The following TBC1D1 variants were observed in gnomAD, a reference collection of about 807,000 sequenced individuals.
TBC1D1 encodes the protein TBC1 domain family member 1, also known as TBC1 (tre-2/USP6, BUB2, cdc16) domain family, member 1.
A neutral mutation model predicts 125.6 loss-of-function variants in TBC1D1; 89 were observed. The observed-to-expected ratio is 0.71, with a 90% CI of 0.60 to 0.85. The LOEUF is 0.85. Ranked by LOEUF, TBC1D1 falls within the 40% of genes least tolerant of loss-of-function variation. The pLI is 0.00. For missense variants in TBC1D1, 1,377 were observed against 1,469.2 expected (o/e 0.94, Z 1.03); for synonymous variants, 565 against 564.1 (o/e 1.00, Z -0.02).
chr4:37,996,796 T>G (rs1188197655), intron 2 of TBC1D1, among the ~76,000 whole-genome samples: 1 of 152,244 alleles, frequency 6.6e-6, no homozygotes, highest in Non-Finnish European at 1.5e-5. Flanking sequence ...GTGACAGGGC[T>G]GTGGCTGGGC....
At chr4:38,096,618 C>A (rs1318214734) in intron 14 of TBC1D1, among the ~76,000 whole-genome samples, 1 of 152,206 alleles carries the variant, frequency 6.6e-6, no homozygotes, top group Non-Finnish European at 1.5e-5. Flanking sequence ...GTCTGCTATA[C>A]TGTAAGGCCT....
chr4:38,106,814 A>C (rs1363919180), intron 15 of TBC1D1, among the ~76,000 whole-genome samples: 1 of 152,000 alleles, frequency 6.6e-6, no homozygotes, highest in Non-Finnish European at 1.5e-5. Flanking sequence ...GTGGCTGTGC[A>C]CTCCGAAGGC....
intron 2 of TBC1D1, among the ~76,000 whole-genome samples, chr4:37,983,196 C>T (rs1560568689): frequency 6.7e-6 from 1 of 149,598 alleles, no homozygotes; most frequent in Non-Finnish European, 1.5e-5. Flanking sequence ...GATCTCGGCT[C>T]CCTCCACCTC....
At chr4:38,021,834 A>G in intron 6 of TBC1D1, 116 bp downstream of exon 6, 2 of 1,179,394 alleles carry the variant, frequency 1.7e-6, no homozygotes, top group Non-Finnish European at 2.2e-6. Context: ...TATTAGTCAC[A>G]GGGATTGTAG....
chr4:38,025,774 C>T (rs549948158), intron 6 of TBC1D1, among the ~76,000 whole-genome samples: 48 of 152,296 alleles, frequency 3.2e-4, no homozygotes, highest in Admixed American at 1.2e-3. Flanking sequence ...TGTTTCGCTT[C>T]GGCATTTAAG....
intron 2 of TBC1D1, among the ~76,000 whole-genome samples, chr4:37,985,684 C>T (rs1336248955): frequency 6.6e-6 from 1 of 152,104 alleles, no homozygotes; most frequent in Non-Finnish European, 1.5e-5. Flanking sequence ...AAAACATGGT[C>T]GAATGGGCAG....
At chr4:37,951,492 G>C (rs1277605383) in intron 2 of TBC1D1, among the ~76,000 whole-genome samples, 1 of 152,088 alleles carries the variant, frequency 6.6e-6, no homozygotes, top group Non-Finnish European at 1.5e-5. Context: ...GGAAGGAGGG[G>C]AATTATCTCC....
At chr4:38,100,982 C>T (rs1760214198) in intron 14 of TBC1D1, among the ~76,000 whole-genome samples, 1 of 152,186 alleles carries the variant, frequency 6.6e-6, no homozygotes, top group South Asian at 2.1e-4. Context: ...CTGTCACTCA[C>T]CGGCCTAATG....
intron 12 of TBC1D1, among the ~76,000 whole-genome samples, chr4:38,074,724 A>G (rs1755272211): frequency 1.3e-5 from 2 of 150,436 alleles, no homozygotes; most frequent in Admixed American, 6.6e-5. Flanking sequence ...GATTTGCCAT[A>G]TTCAGTTATG....
chr4:37,951,337 T>C (rs571037552), intron 2 of TBC1D1, among the ~76,000 whole-genome samples: 3 of 152,270 alleles, frequency 2.0e-5, no homozygotes, highest in South Asian at 2.1e-4. Flanking sequence ...CTGGTTGAAA[T>C]TGGGTGATGG....
At position 37,931,097 on chromosome 4, in the gene TBC1D1, T is replaced by TTTTGTTTGTTTG. The variant is rs58653315; in HGVS notation, c.417+28598_417+28609dup. Among the ~76,000 whole-genome samples, 120 of 150,598 alleles carry TTTTGTTTGTTTG rather than the reference T, an allele frequency of 8.0e-4. 1 individual carries two copies. Among genetic ancestry groups the TTTTGTTTGTTTG allele is most frequent in the African/African-American group, 2.8e-3 (114 of 41,066 alleles). ...GTTTTGGGTTTTTTGGTTTTTGTTG[T>TTTTGTTTGTTTG]TTTGTTTGTTTGTTTGTTTGTTTGA... On this transcript the variant is annotated intron_variant, in intron 2 of 19. Coordinates refer to ENST00000261439, the MANE Select transcript of TBC1D1 (RefSeq NM_015173.4).
At chr4:37,919,424 G>GATCT (rs1720450617) in intron 2 of TBC1D1, among the ~76,000 whole-genome samples, 1 of 150,672 alleles carries the variant, frequency 6.6e-6, no homozygotes, top group African/African-American at 2.4e-5. Context: ...GACCTCAAGT[G>GATCT]ATCTGCCTGC....
intron 10 of TBC1D1, among the ~76,000 whole-genome samples, chr4:38,049,188 G>T (rs1015585090): frequency 2.0e-5 from 3 of 152,294 alleles, no homozygotes; most frequent in African/African-American, 7.2e-5. Context: ...ATCAGATTCG[G>T]AGAGAGCCTT....
At chr4:38,114,110 C>A (rs1186646247) in intron 15 of TBC1D1, among the ~76,000 whole-genome samples, 13 of 152,146 alleles carry the variant, frequency 8.5e-5, no homozygotes, top group Non-Finnish European at 1.3e-4. Flanking sequence ...GCCCCTGCTT[C>A]TGGTGCCCAG....
chr4:38,102,214 G>A (rs937399390), intron 14 of TBC1D1, among the ~76,000 whole-genome samples: 12 of 151,416 alleles, frequency 7.9e-5, no homozygotes, highest in East Asian at 1.9e-4. Context: ...TGCACGTTGT[G>A]CACATGTACC....
chr4:37,982,671 T>G (rs556435777), intron 2 of TBC1D1, among the ~76,000 whole-genome samples: 118 of 152,298 alleles, frequency 7.7e-4, no homozygotes, highest in African/African-American at 2.8e-3. Context: ...AAATCCCACC[T>G]AATCCACAAA....
intron 2 of TBC1D1, among the ~76,000 whole-genome samples, chr4:37,965,735 T>A (rs1044143660): frequency 6.6e-6 from 1 of 151,914 alleles, no homozygotes; most frequent in East Asian, 1.9e-4. Context: ...CATGGACATT[T>A]ATTTATTTAT....
At chr4:38,040,806 G>C (rs951854333) in intron 8 of TBC1D1, among the ~76,000 whole-genome samples, 1 of 152,212 alleles carries the variant, frequency 6.6e-6, no homozygotes, top group Non-Finnish European at 1.5e-5. Flanking sequence ...AGAACCGGTT[G>C]CAACAGATTC....
chr4:38,020,645 G>A lies in TBC1D1; in HGVS notation c.1027G>A (p.Gly343Ser), dbSNP rs1391313577. 1 of 1,613,366 alleles carries A rather than the reference G, an allele frequency of 6.2e-7. No homozygotes were observed. The change falls in exon 5 of 20, where the codon GGC becomes AGC. Residue 343 changes from glycine (G) to serine (S), a missense_variant. Physicochemically the swap from Gly to Ser is moderately conservative, Grantham distance 56 (BLOSUM62 0). Transcript: ENST00000261439. The stretch of plus-strand genomic sequence containing the variant: ...TATCTGTCGGGAGTCTTCCGGAGGT[G>A]GCGGCTTTCATTTTGTCTGTTACGT...
Sources: gnomAD v4.1 joint callset for allele counts (sites outside exome capture counted in the v4.1 genomes callset) on GRCh38, gnomAD v4.1.1 for gene constraint, MANE v1.5 for transcripts, NCBI Gene and HGNC (gene_info 2026-07-23, HGNC 2026-07-21) for gene names.